DMD: variants seen among roughly 807,000 people sequenced by gnomAD.
The protein encoded by DMD is mutant dystrophin.
A neutral mutation model predicts 330.1 loss-of-function variants in DMD; 63 were observed. That is an observed-to-expected ratio of 0.19 (90% confidence interval 0.16 to 0.24). The LOEUF is 0.24. DMD is among the 10% of genes least tolerant of loss of function. DMD has a pLI of 1.00. For synonymous variants in DMD, 1,223 were observed against 959.8 expected, an observed-to-expected ratio of 1.27 and a Z score of -5.07; for missense variants, 3,344 against 2,684.1, an observed-to-expected ratio of 1.25 and a Z score of -5.43.
At chrX:32,952,851 T>G (rs1487163321) in intron 2 of DMD, among the ~76,000 whole-genome samples, 1 of 110,468 alleles carries the variant, frequency 9.1e-6, no homozygotes, top group Non-Finnish European at 1.9e-5. Flanking sequence ...GAAATTTCAC[T>G]GGGCTGGGTG....
At chrX:32,775,135 G>A (rs2074007531) in intron 7 of DMD, among the ~76,000 whole-genome samples, 1 of 112,673 alleles carries the variant, frequency 8.9e-6, no homozygotes, top group Non-Finnish European at 1.9e-5. Context: ...CATATCCAGG[G>A]CAGGCTGATG....
At chrX:31,193,384 T>G (rs925284149) in intron 67 of DMD, among the ~76,000 whole-genome samples, 1 of 112,330 alleles carries the variant, frequency 8.9e-6, no homozygotes, top group African/African-American at 3.2e-5. Context: ...GATATCATTC[T>G]TTGTACACTC....
chrX:32,070,336 C>T (rs2096287223), intron 44 of DMD, among the ~76,000 whole-genome samples: 1 of 110,887 alleles, frequency 9.0e-6, no homozygotes, highest in Non-Finnish European at 1.9e-5. Context: ...AATAGTATTG[C>T]AGCCTCTGTG....
At chrX:32,780,863 G>A (rs571119381) in intron 7 of DMD, among the ~76,000 whole-genome samples, 2 of 109,108 alleles carry the variant, frequency 1.8e-5, no homozygotes, top group African/African-American at 3.3e-5. Flanking sequence ...AGGCCGAGGC[G>A]GGCAGATCAC....
chrX:32,968,434 C>T (rs2092249925), intron 2 of DMD, among the ~76,000 whole-genome samples: 2 of 111,706 alleles, frequency 1.8e-5, no homozygotes, highest in African/African-American at 3.3e-5. Flanking sequence ...ACTGACAGGT[C>T]ATCCCTAGCA....
At chrX:32,471,031 C>A (rs1448567707) in intron 22 of DMD, among the ~76,000 whole-genome samples, 7 of 111,628 alleles carry the variant, frequency 6.3e-5, no homozygotes, top group Middle Eastern at 4.6e-3. Context: ...AATCCCAGCA[C>A]TTTGGGAGGC....
chrX:31,680,645 T>C (rs1336767160), intron 52 of DMD, among the ~76,000 whole-genome samples: 1 of 110,736 alleles, frequency 9.0e-6, no homozygotes, highest in Non-Finnish European at 1.9e-5. Flanking sequence ...CCCAAAGTGC[T>C]GGGATTACAG....
At chrX:32,260,147 G>A (rs942742144) in intron 43 of DMD, among the ~76,000 whole-genome samples, 1 of 111,165 alleles carries the variant, frequency 9.0e-6, no homozygotes, top group Admixed American at 9.6e-5. Flanking sequence ...AAGTGGGAAA[G>A]TGTAGGAAGT....
intron 13 of DMD, among the ~76,000 whole-genome samples, chrX:32,585,032 G>A (rs1254878370): frequency 1.8e-5 from 2 of 111,154 alleles, no homozygotes; most frequent in Admixed American, 1.9e-4. Flanking sequence ...ATGAAATATA[G>A]CTATTTGCAA....
intron 1 of DMD, among the ~76,000 whole-genome samples, chrX:33,255,432 G>T (rs1157402844): frequency 1.8e-5 from 2 of 111,054 alleles, no homozygotes; most frequent in African/African-American, 6.5e-5. Context: ...TGTTTATGTT[G>T]CTAACAATCA....
chrX:32,061,776 T>C (rs1050238795), intron 44 of DMD, among the ~76,000 whole-genome samples: 2 of 111,265 alleles, frequency 1.8e-5, no homozygotes, highest in Admixed American at 9.6e-5. Context: ...AACAATTCTA[T>C]AGCTAGAGCA....
intron 50 of DMD, among the ~76,000 whole-genome samples, chrX:31,808,693 G>GA (rs1198224914): frequency 8.1e-5 from 9 of 110,667 alleles, no homozygotes; most frequent in East Asian, 5.7e-4. Context: ...TCCTGACCTT[G>GA]AAAAAAAAGC....
At chrX:32,971,309 T>A (rs1274919358) in intron 2 of DMD, among the ~76,000 whole-genome samples, 1 of 111,337 alleles carries the variant, frequency 9.0e-6, no homozygotes, top group Non-Finnish European at 1.9e-5. Context: ...TATTTTTTAA[T>A]CAATAAAAAC....
intron 1 of DMD, among the ~76,000 whole-genome samples, chrX:33,254,476 A>G (rs2052822887): frequency 9.0e-6 from 1 of 110,704 alleles, no homozygotes; most frequent in African/African-American, 3.3e-5. Flanking sequence ...TCTTAGAAAA[A>G]AAATTTTCAC....
At chrX:31,347,772 T>C (rs1176543824) in intron 61 of DMD, among the ~76,000 whole-genome samples, 2 of 112,465 alleles carry the variant, frequency 1.8e-5, no homozygotes, top group African/African-American at 6.5e-5. Flanking sequence ...GATGGTAAGG[T>C]AGTTCTATTT....
At chrX:31,455,081 C>T (rs1196688989) in intron 59 of DMD, among the ~76,000 whole-genome samples, 1 of 107,604 alleles carries the variant, frequency 9.3e-6, no homozygotes, top group Non-Finnish European at 1.9e-5. Context: ...AGCCACCGTG[C>T]CTGGCCCAAG....
At chrX:31,646,921 A>T in intron 54 of DMD, among the ~76,000 whole-genome samples, 1 of 111,873 alleles carries the variant, frequency 8.9e-6, no homozygotes, top group African/African-American at 3.3e-5. Flanking sequence ...ACACTCCTCA[A>T]CAAACCTTAT....
chrX:32,076,647 G>A (rs750737140), intron 44 of DMD, among the ~76,000 whole-genome samples: 10 of 111,622 alleles, frequency 9.0e-5, no homozygotes, highest in African/African-American at 3.3e-4. Flanking sequence ...CCAAAGTGCT[G>A]GGATTACAGG....
chrX:32,250,653 G>A (rs965216369), intron 43 of DMD, among the ~76,000 whole-genome samples: 42 of 111,748 alleles, frequency 3.8e-4, no homozygotes, highest in African/African-American at 1.2e-3. Context: ...CATTGCATTC[G>A]CAATCAACAT....
Sources: gnomAD v4.1 joint callset for allele counts (sites outside exome capture counted in the v4.1 genomes callset) on GRCh38, gnomAD v4.1.1 for gene constraint, MANE v1.5 for transcripts, NCBI Gene and HGNC (gene_info 2026-07-23, HGNC 2026-07-21) for gene names.